GSG1L2: variants seen among roughly 807,000 people sequenced by gnomAD.
GSG1L2 encodes germ cell-specific gene 1-like protein 2.
A neutral mutation model predicts 9.0 loss-of-function variants in GSG1L2; 15 were observed. The ratio of observed to expected loss-of-function variants is 1.67; its 90% confidence interval spans 1.12 to 2.57. The LOEUF (loss-of-function observed/expected upper bound fraction) is 2.57. Among genes scored for constraint, GSG1L2 ranks in the 30% most tolerant of loss-of-function variants. GSG1L2 has a pLI of 0.00. For synonymous variants in GSG1L2, 127 were observed against 57.9 expected (o/e 2.19, Z -5.41); for missense variants, 286 against 150.3 (o/e 1.90, Z -4.72).
intron 4 of GSG1L2, among the ~76,000 whole-genome samples, chr17:9,806,821 G>A (rs1234282944): frequency 6.6e-6 from 1 of 152,206 alleles, no homozygotes; most frequent in African/African-American, 2.4e-5. Flanking sequence ...GGAAGACGAA[G>A]ACTAAGAAAA....
chr17:9,816,447 TGTGTCTGTGTGTGCGTCCGTGTGC>T (rs2066561065), intron 1 of GSG1L2, among the ~76,000 whole-genome samples: 1 of 36,024 alleles, frequency 2.8e-5, no homozygotes, highest in African/African-American at 1.3e-4. Flanking sequence ...TCTGTGTGCG[TGTGTCTGTGTGTGCGTCCGTGTGC>T]GTGTCTGTGT....
chr17:9,814,123 A>G lies in GSG1L2; in HGVS notation c.311-3505T>C, dbSNP rs1310652678. On this transcript the variant is annotated intron_variant, in intron 1 of 4. Coordinates refer to ENST00000399363, the MANE Select transcript of GSG1L2 (RefSeq NM_001310219.2). ...CTAATTTTTTGTATTTTTAGTAGAG[A>G]CAGGGTTTCACCATGTTGGCCAGGC... is the stretch of plus-strand genomic sequence containing the variant. Among the ~76,000 whole-genome samples the G allele has an allele frequency of 2.6e-5, 4 of 152,096 alleles. No individual in the cohort carries two copies. The East Asian group carries it at 7.7e-4, about 29-fold the overall frequency.
chr17:9,810,008 G>A (rs2152023177), intron 2 of GSG1L2: 1 of 153,860 alleles, frequency 6.5e-6, no homozygotes, highest in East Asian at 1.9e-4. Context: ...TGTTGCCAGT[G>A]GAGAGCAATG....
intron 4 of GSG1L2, chr17:9,805,681 A>G (rs1328861623): frequency 6.6e-6 from 1 of 152,230 alleles, no homozygotes; most frequent in Non-Finnish European, 1.5e-5. Flanking sequence ...TTCCAAGATA[A>G]GGGAGTGGCG....
intron 1 of GSG1L2, among the ~76,000 whole-genome samples, chr17:9,815,480 A>G (rs2066555951): frequency 6.6e-6 from 1 of 152,226 alleles, no homozygotes; most frequent in African/African-American, 2.4e-5. Flanking sequence ...CTTATTAAAA[A>G]AATCTCTTCT....
chr17:9,809,133 T>C (rs1046956532), intron 2 of GSG1L2, 151 bp from the exon 3 acceptor site: 40 of 609,950 alleles, frequency 6.6e-5, no homozygotes, highest in Non-Finnish European at 1.1e-4. Context: ...GAATCTTAGC[T>C]GGCAATGGAA....
chr17:9,820,251 G>T lies in GSG1L2; in HGVS notation c.310+1511C>A, dbSNP rs532363239. Among the ~76,000 whole-genome samples the T allele has an allele frequency of 6.6e-6, 1 of 152,272 alleles. No homozygotes were observed. Among genetic ancestry groups the T allele is most frequent in the South Asian group, 2.1e-4 (1 of 4,822 alleles). ...ATAACTGGTGTGACGCCTATATAGAGCTGTGGAAACAGAAGTACTATAGGC... is the reference window on the plus strand; with the variant it reads ...ATAACTGGTGTGACGCCTATATAGATCTGTGGAAACAGAAGTACTATAGGC... On this transcript the variant is annotated intron_variant, in intron 1 of 4. Coordinates refer to ENST00000399363, the MANE Select transcript of GSG1L2 (RefSeq NM_001310219.2). The surrounding 1 kb of genome is among the most constrained non-coding windows in gnomAD (Gnocchi z 4.9).
chr17:9,807,693 C>T (rs2066521417), intron 3 of GSG1L2, 92 bp from the exon 4 acceptor site: 5 of 688,400 alleles, frequency 7.3e-6, no homozygotes, highest in Non-Finnish European at 1.1e-5. Context: ...AGCTCTCTAG[C>T]ATTCATAAAG....
At chr17:9,817,478 A>G (rs933598661) in intron 1 of GSG1L2, among the ~76,000 whole-genome samples, 6 of 149,250 alleles carry the variant, frequency 4.0e-5, no homozygotes, top group Admixed American at 4.0e-4. Flanking sequence ...AGGCTGGAGT[A>G]CAGTGGTGCG....
At chr17:9,809,233 C>T in intron 2 of GSG1L2, 1 of 477,272 alleles carries the variant, frequency 2.1e-6, no homozygotes, top group South Asian at 2.1e-5. Flanking sequence ...TAAGCAAAAC[C>T]CTGCTGTGAG....
chr17:9,816,516 G>T lies in GSG1L2; in HGVS notation c.310+5246C>A, dbSNP rs200425346. Among the ~76,000 whole-genome samples, 31 of 60,622 alleles carry T rather than the reference G, an allele frequency of 5.1e-4. No homozygotes were observed. In the East Asian group the frequency reaches 0.039, roughly 77 times the overall value. The allele number at this position is 60,622 out of a possible 152,430, so 39.8% of individuals were successfully genotyped here. A position where few individuals can be genotyped will look rare whatever the true frequency, so the allele number is the denominator to read the frequency against. On this transcript the variant is annotated intron_variant, in intron 1 of 4. Coordinates refer to ENST00000399363, the MANE Select transcript of GSG1L2 (RefSeq NM_001310219.2). Reference sequence around the variant, plus strand: ...TGTCTGTGTGTGCCTGTCTGTGTGTGCGTGTCTGTGTCTCTGTGTGCACGT... The same window carrying T: ...TGTCTGTGTGTGCCTGTCTGTGTGTTCGTGTCTGTGTCTCTGTGTGCACGT...
At chr17:9,802,851 C>T (rs1026777978) in intron 4 of GSG1L2, among the ~76,000 whole-genome samples, 2 of 152,166 alleles carry the variant, frequency 1.3e-5, no homozygotes, top group South Asian at 2.1e-4. Context: ...AGTCACTGTG[C>T]TGGCTTTGCA....
At chr17:9,816,629 ATGT>A (rs2066564412) in intron 1 of GSG1L2, among the ~76,000 whole-genome samples, 1 of 78,008 alleles carries the variant, frequency 1.3e-5, no homozygotes. Flanking sequence ...TCTGTTTTGC[ATGT>A]CTGTGTGCGT....
intron 4 of GSG1L2, chr17:9,804,957 T>C (rs181107545): frequency 6.6e-6 from 1 of 152,078 alleles, no homozygotes; most frequent in East Asian, 1.9e-4. Context: ...ATCAGGATAT[T>C]ATGAAAAAGG....
At chr17:9,810,251 C>G (rs1178993406) in intron 2 of GSG1L2, 2 of 429,672 alleles carry the variant, frequency 4.7e-6, no homozygotes, top group Non-Finnish European at 8.4e-6. Flanking sequence ...TCTCAGAGCT[C>G]TGTGTTCATC....
At chr17:9,816,394 GTC>G (rs1358158005) in intron 1 of GSG1L2, among the ~76,000 whole-genome samples, 4 of 150,670 alleles carry the variant, frequency 2.7e-5, no homozygotes, top group East Asian at 2.0e-4. Flanking sequence ...GTGTGTCTGT[GTC>G]TGTGTGTGTG....
chr17:9,817,656 C>T (rs994676996), intron 1 of GSG1L2, among the ~76,000 whole-genome samples: 3 of 152,114 alleles, frequency 2.0e-5, no homozygotes, highest in Non-Finnish European at 4.4e-5. Context: ...AACTCCCGAC[C>T]TCAAGTGATC....
intron 1 of GSG1L2, among the ~76,000 whole-genome samples, chr17:9,814,978 A>T (rs2066553946): frequency 6.6e-6 from 1 of 152,210 alleles, no homozygotes; most frequent in Non-Finnish European, 1.5e-5. Flanking sequence ...CTGGGCCAGG[A>T]ACTGTCATTT....
rs1318006194 is a variant in GSG1L2 at position 9,807,528 on chromosome 17, A to G, written c.585T>C (p.Asp195=). The G allele has an allele frequency of 2.8e-6, 2 of 702,962 alleles. No individual in the cohort carries two copies. Among genetic ancestry groups the G allele is most frequent in the Non-Finnish European group, 5.2e-6 (2 of 385,018 alleles). The allele number at this position is 702,962 out of a possible 1,614,324, so 43.5% of individuals were successfully genotyped here. Reference sequence around the variant, plus strand: ...CATAGTCCCAGGTCTGAGGCTTCCAATCTTCTGGTCCAAGGTTCACAGTGA... The same window carrying G: ...CATAGTCCCAGGTCTGAGGCTTCCAGTCTTCTGGTCCAAGGTTCACAGTGA... ...FQITVNLGPE[D]WKPQTWDYGW... is the part of the protein sequence containing the mutation. Residue 195 remains aspartate (D), a synonymous_variant, in exon 4 of 5, where the codon GAT becomes GAC. Transcript: ENST00000399363.
Sources: gnomAD v4.1 joint callset for allele counts (sites outside exome capture counted in the v4.1 genomes callset) on GRCh38, gnomAD v4.1.1 for gene constraint, Gnocchi (gnomAD v3.1) non-coding constraint, MANE v1.5 for transcripts, NCBI Gene and HGNC (gene_info 2026-07-23, HGNC 2026-07-21) for gene names.